ROBO2: variants seen among roughly 807,000 people sequenced by gnomAD.
ROBO2 encodes roundabout guidance receptor 2, also known as roundabout homolog 2.
ROBO2 carries 53 observed loss-of-function variants against 160.8 expected under a neutral mutation model. The observed-to-expected ratio is 0.33, with a 90% CI of 0.26 to 0.41. The LOEUF is 0.41. Ranked by LOEUF, ROBO2 falls within the 10% of genes least tolerant of loss-of-function variation. ROBO2 has a pLI of 1.00. For synonymous variants in ROBO2, 664 were observed against 611.7 expected, an observed-to-expected ratio of 1.09 and a Z score of -1.26; for missense variants, 1,577 against 1,722.4, an observed-to-expected ratio of 0.92 and a Z score of 1.49.
intron 2 of ROBO2, among the ~76,000 whole-genome samples, chr3:77,019,499 T>A (rs916453409): frequency 3.3e-5 from 5 of 152,030 alleles, no homozygotes; most frequent in Non-Finnish European, 7.4e-5. Flanking sequence ...CAGAAATAAG[T>A]ATAAGGCAGG....
intron 2 of ROBO2, among the ~76,000 whole-genome samples, chr3:76,930,333 C>G (rs552912309): frequency 6.6e-6 from 1 of 152,252 alleles, no homozygotes; most frequent in East Asian, 1.9e-4. Context: ...CTTCCCCACT[C>G]TTTGTGCACA....
At chr3:76,746,997 G>A (rs1011818095) in intron 2 of ROBO2, among the ~76,000 whole-genome samples, 3 of 152,022 alleles carry the variant, frequency 2.0e-5, no homozygotes, top group African/African-American at 7.2e-5. Context: ...CCTTTTTATG[G>A]CTGCATAGTA....
At chr3:76,523,461 G>A (rs1042067746) in intron 2 of ROBO2, among the ~76,000 whole-genome samples, 3 of 151,962 alleles carry the variant, frequency 2.0e-5, no homozygotes, top group Admixed American at 2.0e-4. Context: ...TTTTAGAAAT[G>A]TGCTAGATAA....
intron 2 of ROBO2, among the ~76,000 whole-genome samples, chr3:76,321,988 A>T (rs1235129859): frequency 6.6e-6 from 1 of 151,716 alleles, no homozygotes; most frequent in Non-Finnish European, 1.5e-5. Flanking sequence ...AGCACACAGA[A>T]TCATGTGCTA....
chr3:76,753,580 C>A (rs1009815143), intron 2 of ROBO2, among the ~76,000 whole-genome samples: 13 of 151,790 alleles, frequency 8.6e-5, no homozygotes, highest in African/African-American at 3.1e-4. Flanking sequence ...AAAACAATTT[C>A]TTCAAAGGAA....
At chr3:76,371,175 T>C (rs1283073883) in intron 2 of ROBO2, among the ~76,000 whole-genome samples, 1 of 151,982 alleles carries the variant, frequency 6.6e-6, no homozygotes. Flanking sequence ...TACTCTTTAA[T>C]CTGAGCACAA....
Position 76,727,232 on chromosome 3 carries a change from A to G in ROBO2, c.110-370782A>G, listed in dbSNP as rs188654092. ...CTCTAAGAATAAAGTTATTGAAGTC[A>G]GAAGATCTGGGCTCCAGTCTTGAGG... On this transcript the variant is annotated intron_variant, in intron 2 of 26. Coordinates refer to the ROBO2 transcript ENST00000487694. Among the ~76,000 whole-genome samples the G allele has an allele frequency of 2.6e-5, 4 of 152,306 alleles. No individual in the cohort carries two copies. The East Asian group carries it at 7.7e-4, about 29-fold the overall frequency.
chr3:76,629,254 A>G (rs1578691233), intron 2 of ROBO2, among the ~76,000 whole-genome samples: 1 of 152,232 alleles, frequency 6.6e-6, no homozygotes, highest in African/African-American at 2.4e-5. Context: ...ACCAAAATAT[A>G]GTAACAATTT....
chr3:76,513,519 C>A (rs1156398900), intron 2 of ROBO2, among the ~76,000 whole-genome samples: 1 of 152,078 alleles, frequency 6.6e-6, no homozygotes, highest in East Asian at 1.9e-4. Context: ...CCACGCCTGG[C>A]GTGGCCTCCC....
intron 2 of ROBO2, among the ~76,000 whole-genome samples, chr3:76,816,608 AT>A (rs2065687947): frequency 6.6e-6 from 1 of 152,000 alleles, no homozygotes; most frequent in African/African-American, 2.4e-5. Flanking sequence ...CCATTAGCCT[AT>A]TAAAAACAAC....
intron 21 of ROBO2, among the ~76,000 whole-genome samples, chr3:77,610,963 T>G (rs1348629844): frequency 1.3e-5 from 2 of 151,946 alleles, no homozygotes; most frequent in African/African-American, 4.8e-5. Flanking sequence ...CTGTGCCCTT[T>G]ATCAATTTGT....
intron 2 of ROBO2, among the ~76,000 whole-genome samples, chr3:76,308,891 G>A (rs924268591): frequency 1.3e-5 from 2 of 152,172 alleles, no homozygotes; most frequent in African/African-American, 4.8e-5. Context: ...TATTTTTGGA[G>A]TGAATCTAAC....
intron 2 of ROBO2, among the ~76,000 whole-genome samples, chr3:76,547,997 T>A (rs529097061): frequency 6.6e-6 from 1 of 152,294 alleles, no homozygotes; most frequent in Non-Finnish European, 1.5e-5. Context: ...ACAAGTCACA[T>A]GATAAAGATC....
At position 76,577,304 on chromosome 3, in the gene ROBO2, T is replaced by A. The variant is rs180895540; in HGVS notation, c.110-520710T>A. Among the ~76,000 whole-genome samples the A allele has an allele frequency of 1.1e-4, 17 of 152,278 alleles. No homozygotes were observed. In the South Asian group the frequency reaches 1.2e-3, roughly 11 times the overall value. On this transcript the variant is annotated intron_variant, in intron 2 of 26. Coordinates refer to the ROBO2 transcript ENST00000487694. ...AAATTAAAAAGATGCTTCTTTTTTTTAATTTTCTTTATCCTCCATACCCAG... is the reference window on the plus strand; with the variant it reads ...AAATTAAAAAGATGCTTCTTTTTTTAAATTTTCTTTATCCTCCATACCCAG...
intron 2 of ROBO2, among the ~76,000 whole-genome samples, chr3:77,265,655 T>C (rs1004300608): frequency 2.6e-5 from 4 of 152,196 alleles, no homozygotes; most frequent in African/African-American, 9.6e-5. Context: ...CAATTTCATC[T>C]TGACCAAGGG....
chr3:76,266,574 T>A (rs1338295704), intron 2 of ROBO2, among the ~76,000 whole-genome samples: 1 of 152,056 alleles, frequency 6.6e-6, no homozygotes, highest in Non-Finnish European at 1.5e-5. Context: ...TTCCTGAGAG[T>A]CTACATCCAA....
At chr3:77,198,581 G>A (rs1441966) in intron 2 of ROBO2, among the ~76,000 whole-genome samples, 50,739 of 152,022 alleles carry the variant, frequency 0.33, 9,934 homozygotes, top group Middle Eastern at 0.52. Flanking sequence ...TTTTTCAGCC[G>A]GGCCCCAAAA....
intron 2 of ROBO2, among the ~76,000 whole-genome samples, chr3:76,677,905 C>CT (rs1344545699): frequency 7.5e-6 from 1 of 133,234 alleles, no homozygotes; most frequent in Non-Finnish European, 1.6e-5. Context: ...ATGTTCATGA[C>CT]TTTTATGACT....
At chr3:76,450,596 A>T (rs911362469) in intron 2 of ROBO2, among the ~76,000 whole-genome samples, 1 of 152,182 alleles carries the variant, frequency 6.6e-6, no homozygotes, top group Non-Finnish European at 1.5e-5. Context: ...GATTACAGGC[A>T]CATGCCACTG....
Sources: gnomAD v4.1 joint callset for allele counts (sites outside exome capture counted in the v4.1 genomes callset) on GRCh38, gnomAD v4.1.1 for gene constraint, MANE v1.5 for transcripts, NCBI Gene and HGNC (gene_info 2026-07-23, HGNC 2026-07-21) for gene names.